AGO2: variants seen among roughly 807,000 people sequenced by gnomAD.
AGO2 encodes argonaute RISC catalytic component 2.
A neutral mutation model predicts 102.3 loss-of-function variants in AGO2; 5 were observed. The observed-to-expected ratio is 0.05, with a 90% CI of 0.03 to 0.10. AGO2 has a LOEUF of 0.10. Ranked by LOEUF, AGO2 falls within the 10% of genes least tolerant of loss-of-function variation. The probability of loss-of-function intolerance (pLI) is 1.00; values close to 1 mark genes in which losing one functional copy is unlikely to be tolerated. For missense variants in AGO2, 541 were observed against 1,183.7 expected (o/e 0.46, Z 7.97); for synonymous variants, 449 against 473.1 (o/e 0.95, Z 0.66).
At position 140,635,466 on chromosome 8, in the gene AGO2, C is replaced by T; in HGVS notation, c.22+19G>A. ...AGCGCGCGAACGGCCGGGCGGGCGC[C>T]CCGAGCGCCAGGACTCACCGGGGCC... On this transcript the variant is annotated intron_variant, in intron 1 of 18. Coordinates refer to ENST00000220592, the MANE Select transcript of AGO2 (RefSeq NM_012154.5). 2 of 980,184 alleles carry T rather than the reference C, an allele frequency of 2.0e-6. No individual in the cohort carries two copies. The highest frequency in any genetic ancestry group is 2.4e-6 in the Non-Finnish European group (2 of 827,810). 60.7% of individuals were successfully genotyped at this position (980,184 alleles called of 1,614,324 possible).
chr8:140,587,004 T>C (rs2073669870), intron 1 of AGO2, among the ~76,000 whole-genome samples: 1 of 152,170 alleles, frequency 6.6e-6, no homozygotes, highest in African/African-American at 2.4e-5. Flanking sequence ...AAGAAGGTTT[T>C]GGGCTGGAAC....
chr8:140,616,789 C>T (rs1396516127), intron 1 of AGO2, among the ~76,000 whole-genome samples: 1 of 152,216 alleles, frequency 6.6e-6, no homozygotes, highest in African/African-American at 2.4e-5. Context: ...CTGCCCCCAC[C>T]TCACTCGGCC....
chr8:140,599,617 G>A (rs2073901759), intron 1 of AGO2, among the ~76,000 whole-genome samples: 2 of 152,130 alleles, frequency 1.3e-5, no homozygotes, highest in African/African-American at 4.8e-5. Context: ...CGCTCACCCG[G>A]GGTGCTCAAA....
Position 140,557,308 on chromosome 8 carries a change from G to A in AGO2, c.879-72C>T, listed in dbSNP as rs2073114017. ...TTCCCCTGCGCTGCTTTTCATTTGC[G>A]TTTGCTTTTTAGGGTGACGTGTGAG... is the stretch of plus-strand genomic sequence containing the variant. On this transcript the variant is annotated intron_variant, in intron 7 of 18. Coordinates refer to ENST00000220592, the MANE Select transcript of AGO2 (RefSeq NM_012154.5). This position sits in a 1 kb window ranked among gnomAD's most constrained non-coding sequence, Gnocchi z 5.9. The A allele has an allele frequency of 7.3e-6, 11 of 1,514,536 alleles. No individual in the cohort carries two copies. The highest frequency in any genetic ancestry group is 2.3e-5 in the East Asian group (1 of 42,892). The allele number at this position is 1,514,536 out of a possible 1,614,324, so 93.8% of individuals were successfully genotyped here. A position where few individuals can be genotyped will look rare whatever the true frequency, so the allele number is the denominator to read the frequency against.
Position 140,557,406 on chromosome 8 carries a change from G to A in AGO2, c.879-170C>T, listed in dbSNP as rs531394300. Among the ~76,000 whole-genome samples the A allele has an allele frequency of 2.0e-5, 3 of 152,300 alleles. No individual in the cohort carries two copies. The East Asian group carries it at 5.8e-4, about 29-fold the overall frequency. ...TTTGGGTTATCTGGAATGTTTCTGA[G>A]CCCCTAAATTCTCATTTTGTTTCTG... On this transcript the variant is annotated intron_variant, in intron 7 of 18. Coordinates refer to ENST00000220592, the MANE Select transcript of AGO2 (RefSeq NM_012154.5). This position sits in a 1 kb window ranked among gnomAD's most constrained non-coding sequence, Gnocchi z 5.9.
intron 1 of AGO2, among the ~76,000 whole-genome samples, chr8:140,613,548 C>T (rs938901850): frequency 1.3e-5 from 2 of 152,122 alleles, no homozygotes; most frequent in Non-Finnish European, 2.9e-5. Flanking sequence ...GAAGAGCTGC[C>T]GTCTGAATGT....
Position 140,529,357 on chromosome 8 carries a change from G to A in AGO2, c.*2687C>T, listed in dbSNP as rs2072553689. ...CTCAAAATTTATCCTAATAATGCAG[G>A]GATTGGTAAAAATTTGAGAAAACAA... On this transcript the variant is annotated 3_prime_UTR_variant, in exon 19 of 19. Coordinates refer to ENST00000220592, the MANE Select transcript of AGO2 (RefSeq NM_012154.5). 6.6e-6 allele frequency: 1 copy of A among 152,052 alleles called. No individual in the cohort carries two copies. The highest frequency in any genetic ancestry group is 1.5e-5 in the Non-Finnish European group (1 of 68,028). 9.4% of individuals were successfully genotyped at this position (152,052 alleles called of 1,614,324 possible). A position where few individuals can be genotyped will look rare whatever the true frequency, so the allele number is the denominator to read the frequency against.
At chr8:140,585,658 G>A (rs185072758) in intron 1 of AGO2, among the ~76,000 whole-genome samples, 3 of 152,134 alleles carry the variant, frequency 2.0e-5, no homozygotes, top group Admixed American at 6.5e-5. Context: ...TAAACCGCTC[G>A]TTTACTCAGG....
At position 140,557,978 on chromosome 8, in the gene AGO2, G is replaced by A. The variant is rs75183096; in HGVS notation, c.878+507C>T. Reference sequence around the variant, plus strand: ...ATCCATGAAATAAACGAACCCTACCGGCCTGGGAGACATTAACTGGGGCAC... The same window carrying A: ...ATCCATGAAATAAACGAACCCTACCAGCCTGGGAGACATTAACTGGGGCAC... On this transcript the variant is annotated intron_variant, in intron 7 of 18. Coordinates refer to ENST00000220592, the MANE Select transcript of AGO2 (RefSeq NM_012154.5). This position sits in a 1 kb window ranked among gnomAD's most constrained non-coding sequence, Gnocchi z 5.9. Among the ~76,000 whole-genome samples, 38 of 152,322 alleles carry A rather than the reference G, an allele frequency of 2.5e-4. 1 individual carries two copies. The highest frequency in any genetic ancestry group is 1.8e-3 in the Admixed American group (27 of 15,300).
chr8:140,579,080 G>A (rs1185129446), intron 2 of AGO2, among the ~76,000 whole-genome samples: 1 of 152,060 alleles, frequency 6.6e-6, no homozygotes, highest in Non-Finnish European at 1.5e-5. Flanking sequence ...AAAATTAGTG[G>A]AGTGTGGTGG....
intron 1 of AGO2, among the ~76,000 whole-genome samples, chr8:140,629,150 G>A (rs530195294): frequency 3.3e-5 from 5 of 152,112 alleles, no homozygotes; most frequent in South Asian, 4.2e-4. Flanking sequence ...ATAAACGCGC[G>A]ACTCTGGGGC....
chr8:140,637,628 T>A (rs2074419463), upstream of AGO2: 1 of 152,188 alleles, frequency 6.6e-6, no homozygotes, highest in Non-Finnish European at 1.5e-5. Flanking sequence ...GTTCGCCCTC[T>A]GGGGCACGGG....
At chr8:140,612,947 C>T (rs2074099435) in intron 1 of AGO2, among the ~76,000 whole-genome samples, 1 of 152,014 alleles carries the variant, frequency 6.6e-6, no homozygotes, top group Admixed American at 6.6e-5. Context: ...CGTCTTTAAT[C>T]CCAGCACTTT....
At chr8:140,600,582 AGGC>A (rs569693175) in intron 1 of AGO2, among the ~76,000 whole-genome samples, 248 of 152,136 alleles carry the variant, frequency 1.6e-3, no homozygotes, top group Non-Finnish European at 2.9e-3. Context: ...TGGGAGGCTG[AGGC>A]AGGAGAATTG....
intron 1 of AGO2, among the ~76,000 whole-genome samples, chr8:140,587,671 G>A (rs1010055228): frequency 6.6e-6 from 1 of 152,222 alleles, no homozygotes; most frequent in Non-Finnish European, 1.5e-5. Flanking sequence ...CCCTGGCCCC[G>A]ACAGGTGAAT....
At chr8:140,633,040 G>T (rs1202444149) in intron 1 of AGO2, among the ~76,000 whole-genome samples, 2 of 151,948 alleles carry the variant, frequency 1.3e-5, no homozygotes, top group African/African-American at 4.8e-5. Context: ...AGCCTCCCGA[G>T]TAGCTGGGAC....
intron 1 of AGO2, among the ~76,000 whole-genome samples, chr8:140,608,489 C>A (rs1353747033): frequency 6.6e-6 from 1 of 152,232 alleles, no homozygotes; most frequent in Non-Finnish European, 1.5e-5. Flanking sequence ...CCCCTCCCAG[C>A]GCTATTCAGG....
rs538902483 is a variant in AGO2, at chr8:140,522,800, A to T, written c.*9244T>A. On this transcript the variant is annotated 3_prime_UTR_variant, in exon 19 of 19. Transcript: ENST00000220592. Reference sequence around the variant, plus strand: ...ACTCCAGAAAAAAATAACTTGAATTATGATACAGCATCTTGATCTGAACAG... The same window carrying T: ...ACTCCAGAAAAAAATAACTTGAATTTTGATACAGCATCTTGATCTGAACAG... 1 of 151,824 alleles carries T rather than the reference A, an allele frequency of 6.6e-6. No individual in the cohort carries two copies. Among genetic ancestry groups the T allele is most frequent in the Non-Finnish European group, 1.5e-5 (1 of 68,022 alleles). 9.4% of individuals were successfully genotyped at this position (151,824 alleles called of 1,614,324 possible).
intron 7 of AGO2, among the ~76,000 whole-genome samples, 198 bp downstream of exon 7, chr8:140,558,287 G>T (rs954516806): frequency 3.3e-5 from 5 of 152,216 alleles, no homozygotes; most frequent in Non-Finnish European, 5.9e-5. Flanking sequence ...CACCCAGGGG[G>T]AATTTCATGA....
Sources: gnomAD v4.1 joint callset for allele counts (sites outside exome capture counted in the v4.1 genomes callset) on GRCh38, gnomAD v4.1.1 for gene constraint, Gnocchi (gnomAD v3.1) non-coding constraint, MANE v1.5 for transcripts, NCBI Gene and HGNC (gene_info 2026-07-23, HGNC 2026-07-21) for gene names.